The following PCNX3 variants were observed in gnomAD, a reference collection of about 807,000 sequenced individuals.
The protein encoded by PCNX3 is pecanex 3.
A neutral mutation model predicts 207.2 loss-of-function variants in PCNX3; 58 were observed. The observed-to-expected ratio is 0.28, with a 90% CI of 0.23 to 0.35. The LOEUF is 0.35. Among genes scored for constraint, PCNX3 ranks in the 10% least tolerant of loss-of-function variants. The pLI is 1.00. For missense variants in PCNX3, 2,410 were observed against 2,774.4 expected (o/e 0.87, Z 2.95); for synonymous variants, 1,337 against 1,183.5 (o/e 1.13, Z -2.66).
chr11:65,636,609 C>T lies in PCNX3; in HGVS notation c.5812C>T (p.Leu1938=). 6.3e-7 allele frequency: 1 copy of T among 1,586,644 alleles called. No individual in the cohort carries two copies. Residue 1938 remains leucine, a synonymous_variant, in exon 34 of 35, where the codon CTG becomes TTG. Transcript: ENST00000355703. ...SSEGPSGKWS[L]GGRKGLGGSD... is the part of the protein sequence containing the mutation. ...TGAGGGCCCCAGTGGAAAGTGGAGCCTGGGGGGCCGGAAGGGGCTGGGAGG... is the reference window on the plus strand; with the variant it reads ...TGAGGGCCCCAGTGGAAAGTGGAGCTTGGGGGGCCGGAAGGGGCTGGGAGG...
Position 65,630,370 on chromosome 11 carries a change from CG to C in PCNX3, c.4237del (p.Glu1413ArgfsTer42). On this transcript the variant is annotated frameshift_variant, in exon 27 of 35. Coordinates refer to ENST00000355703, the MANE Select transcript of PCNX3 (RefSeq NM_032223.4). LOFTEE classifies it high-confidence loss of function. ...EFRGTYCQQREVEAITEGVEE... is the reference protein window; with the variant it reads ...EFRGTYCQQRXVEAITEGVEE... ...CCACAGGCACTTACTGCCAGCAGCG[CG>C]AGGTGGAGGCTATCACCGAGGGTGT... The C allele has an allele frequency of 6.2e-7, 1 of 1,613,234 alleles. No homozygotes were observed.
chr11:65,620,936 G>A lies in PCNX3; in HGVS notation c.2205G>A (p.Gln735=), dbSNP rs1484768166. Residue 735 remains glutamine (Q), a synonymous_variant, in exon 10 of 35, where the codon CAG becomes CAA. Coordinates refer to ENST00000355703, the MANE Select transcript of PCNX3 (RefSeq NM_032223.4). Reference sequence around the variant, plus strand: ...GGCCTGTGGTTCTGCAGGGCATGCAGGTGCGCCGGGTGCCCCTGGAGATCC... The same window carrying A: ...GGCCTGTGGTTCTGCAGGGCATGCAAGTGCGCCGGGTGCCCCTGGAGATCC... ...QPRPVVLQGM[Q]VRRVPLEIPE... 1 of 1,551,744 alleles carries A rather than the reference G, an allele frequency of 6.4e-7. No individual in the cohort carries two copies. Among genetic ancestry groups the A allele is most frequent in the East Asian group, 2.4e-5 (1 of 41,150 alleles).
At chr11:65,626,699 A>G in intron 20 of PCNX3, 1 of 651,320 alleles carries the variant, frequency 1.5e-6, no homozygotes, top group Admixed American at 3.0e-5. Context: ...CACCTGCCAT[A>G]AAGCAAGCCT....
chr11:65,622,409 C>T (rs1440650736), intron 11 of PCNX3, 43 bp downstream of exon 11: 1 of 1,564,814 alleles, frequency 6.4e-7, no homozygotes, highest in East Asian at 2.3e-5. Context: ...TGGAAAGCCC[C>T]TGGACCTTGG....
intron 6 of PCNX3, 45 bp downstream of exon 6, chr11:65,619,112 G>A (rs747034170): frequency 4.0e-6 from 6 of 1,495,416 alleles, no homozygotes; most frequent in East Asian, 2.3e-5. Context: ...CGTGAGCTAC[G>A]GGCTTGGGGT....
chr11:65,625,880 G>T lies in PCNX3; in HGVS notation c.3229-24G>T. 6.2e-7 allele frequency: 1 copy of T among 1,608,572 alleles called. No homozygotes were observed. Among genetic ancestry groups the T allele is most frequent in the Non-Finnish European group, 8.5e-7 (1 of 1,176,816 alleles). On this transcript the variant is annotated intron_variant, in intron 19 of 34. Transcript: ENST00000355703. This position sits in a 1 kb window ranked among gnomAD's most constrained non-coding sequence, Gnocchi z 5.6. ...CCCTTGGCCTGCTCCCATCAGCTGA[G>T]TCTCTGGCCTCTCCCTCCTGCAGTC...
rs1414240783 is a variant in PCNX3, at chr11:65,624,364, C to G, written c.2714C>G (p.Thr905Ser). The change falls in exon 14 of 35, where the codon ACT (threonine) becomes AGT (serine). Residue 905 changes from threonine (T) to serine (S), a missense_variant and splice_region_variant. Thr to Ser is a moderately conservative substitution (Grantham distance 58). Around this residue, in one of 8 missense-constraint regions of PCNX3, gnomAD observed 177 missense variants for 257.5 expected, o/e 0.69. Transcript: ENST00000355703. The stretch of plus-strand genomic sequence containing the variant: ...TTCTTCTGTGCCCGAGACGTGGCCA[C>G]TGGTGAGGCTGGGGCAGGGATGAGG... ...SFFFCARDVA[T>S]VFTLCFPFVF... 1.3e-6 allele frequency: 2 copies of G among 1,553,374 alleles called. No individual in the cohort carries two copies. The highest frequency in any genetic ancestry group is 1.4e-5 in the African/African-American group (1 of 73,146).
chr11:65,619,261 C>A, intron 6 of PCNX3, 194 bp downstream of exon 6: 2 of 344,166 alleles, frequency 5.8e-6, no homozygotes, highest in Non-Finnish European at 8.2e-6. Context: ...CCTGGCTCCA[C>A]ATCCTTGATT....
Position 65,618,808 on chromosome 11 carries a change from C to T in PCNX3, c.1446C>T (p.Pro482=). The T allele has an allele frequency of 1.2e-6, 2 of 1,611,552 alleles. No individual in the cohort carries two copies. The highest frequency in any genetic ancestry group is 2.2e-5 in the East Asian group (1 of 44,828). ...HGAEEGTAVP[P]KRPYGTQRTP... is the part of the protein sequence containing the mutation. ...CTGAGGAGGGAACTGCTGTGCCCCCCAAGCGGCCATATGGGACCCAGCGGA... is the reference window on the plus strand; with the variant it reads ...CTGAGGAGGGAACTGCTGTGCCCCCTAAGCGGCCATATGGGACCCAGCGGA... Residue 482 remains proline, a synonymous_variant, in exon 6 of 35, where the codon CCC becomes CCT. Coordinates refer to ENST00000355703, the MANE Select transcript of PCNX3 (RefSeq NM_032223.4).
At chr11:65,630,202 G>T (rs559539701) in intron 26 of PCNX3, 149 bp from the exon 27 acceptor site, 3 of 1,214,372 alleles carry the variant, frequency 2.5e-6, no homozygotes, top group Non-Finnish European at 3.4e-6. Flanking sequence ...GCGCTCTTTC[G>T]TGAATCTTGG....
At position 65,630,474 on chromosome 11, in the gene PCNX3, A is replaced by T. The variant is rs994391858; in HGVS notation, c.4340A>T (p.Gln1447Leu). ...CTGTCCTTCAATGCTGCCTTTGGGC[A>T]GCGCTGGCTGGCTTGGGAGGTAACA... is the stretch of plus-strand genomic sequence containing the variant. ...RVLSFNAAFGQRWLAWEVTAS... is the reference protein window; with the variant it reads ...RVLSFNAAFGLRWLAWEVTAS... The change falls in exon 27 of 35, where the codon CAG becomes CTG. Residue 1447 changes from glutamine to leucine, a missense_variant. Coordinates refer to ENST00000355703, the MANE Select transcript of PCNX3 (RefSeq NM_032223.4). 1 of 1,613,672 alleles carries T rather than the reference A, an allele frequency of 6.2e-7. No individual in the cohort carries two copies. The highest frequency in any genetic ancestry group is 8.5e-7 in the Non-Finnish European group (1 of 1,179,880).
At chr11:65,616,803 C>T (rs370139084) in intron 1 of PCNX3, 21 bp from the exon 2 acceptor site, 57 of 1,600,724 alleles carry the variant, frequency 3.6e-5, no homozygotes, top group African/African-American at 1.7e-4. Flanking sequence ...GAAAAGGGAC[C>T]TGGCTTACTT....
In PCNX3 at chr11:65,619,551, G is replaced by T; in HGVS notation, c.1720G>T (p.Gly574Cys). The T allele has an allele frequency of 6.2e-7, 1 of 1,611,058 alleles. No individual in the cohort carries two copies. The change falls in exon 7 of 35, where the codon GGC (glycine) becomes TGC (cysteine). Residue 574 changes from glycine to cysteine, a missense_variant. Around this residue, in one of 8 missense-constraint regions of PCNX3, gnomAD observed 1,104 missense variants for 970.3 expected, o/e 1.14. Coordinates refer to ENST00000355703, the MANE Select transcript of PCNX3 (RefSeq NM_032223.4). ...TCTCTGGGCAGCGGCCGAGGAGACT[G>T]GCAGGCGGGACCGCTCAAGCAGTGT... ...GAVGGAAEET[G>C]RRDRSSSVRR... is the part of the protein sequence containing the mutation.
At position 65,622,164 on chromosome 11, in the gene PCNX3, G is replaced by A. The variant is rs571255222; in HGVS notation, c.2236-81G>A. Reference sequence around the variant, plus strand: ...GAAGGGGGGTAACAGTAGACCATGTGGGGGGTGGCGGGGCTGACGGCCGCG... The same window carrying A: ...GAAGGGGGGTAACAGTAGACCATGTAGGGGGTGGCGGGGCTGACGGCCGCG... On this transcript the variant is annotated intron_variant, in intron 10 of 34. Transcript: ENST00000355703. 8 of 1,507,640 alleles carry A rather than the reference G, an allele frequency of 5.3e-6. 1 individual carries two copies. Among genetic ancestry groups the A allele is most frequent in the South Asian group, 2.6e-5 (2 of 78,206 alleles). The allele number at this position is 1,507,640 out of a possible 1,614,324, so 93.4% of individuals were successfully genotyped here. A position where few individuals can be genotyped will look rare whatever the true frequency, so the allele number is the denominator to read the frequency against.
Position 65,617,002 on chromosome 11 carries a change from A to G in PCNX3, c.332A>G (p.Asn111Ser), listed in dbSNP as rs200596304. 44 of 1,609,390 alleles carry G rather than the reference A, an allele frequency of 2.7e-5. No homozygotes were observed. The African/African-American group carries it at 4.0e-4, about 15-fold the overall frequency. ...GAAGAGCCTGCCCAGGGGGACAGCAATCCACCCAGGTGGGTGGGGTAGGGG... is the reference window on the plus strand; with the variant it reads ...GAAGAGCCTGCCCAGGGGGACAGCAGTCCACCCAGGTGGGTGGGGTAGGGG... ...LEEEPAQGDS[N>S]PPRDPGVEMT... is the part of the protein sequence containing the mutation. Residue 111 changes from asparagine (N) to serine (S), a missense_variant, in exon 2 of 35, where the codon AAT becomes AGT. This residue lies in a region of PCNX3 where 1,104 missense variants were observed against 970.3 expected (regional missense o/e 1.14). Transcript: ENST00000355703.
intron 11 of PCNX3, among the ~76,000 whole-genome samples, chr11:65,622,587 A>G (rs1314689520): frequency 2.0e-5 from 3 of 151,974 alleles, no homozygotes; most frequent in Non-Finnish European, 4.4e-5. Flanking sequence ...TGTTTATTCC[A>G]AAGTCCTGCT....
At chr11:65,624,080 CT>C in intron 13 of PCNX3, 114 bp from the exon 14 acceptor site, 1 of 1,569,152 alleles carries the variant, frequency 6.4e-7, no homozygotes, top group Admixed American at 1.7e-5. Flanking sequence ...TCACCCCCAC[CT>C]GGCCAGGCTC....
chr11:65,625,524 G>A lies in PCNX3; in HGVS notation c.3135+14G>A. The stretch of plus-strand genomic sequence containing the variant: ...CGCCAGTCGGTGGTGAGGGGGCGGG[G>A]GGTGGGGGTCTGTGGGGAGGTGGTG... On this transcript the variant is annotated intron_variant, in intron 18 of 34. Transcript: ENST00000355703. This position sits in a 1 kb window ranked among gnomAD's most constrained non-coding sequence, Gnocchi z 5.6. The A allele has an allele frequency of 1.9e-6, 3 of 1,594,566 alleles. No individual in the cohort carries two copies. Among genetic ancestry groups the A allele is most frequent in the Non-Finnish European group, 2.6e-6 (3 of 1,173,768 alleles).
chr11:65,635,690 C>T lies in PCNX3; in HGVS notation c.5346C>T (p.Tyr1782=), dbSNP rs367770366. The part of the protein sequence containing the change: ...SCDQPLGYPI[Y]VSPLTTSLAG... ...ACCAGCCGCTGGGCTACCCCATCTA[C>T]GTGTCGCCTCTCACCACCTCGCTGG... Residue 1782 remains tyrosine, a synonymous_variant, in exon 32 of 35, where the codon TAC becomes TAT. Coordinates refer to ENST00000355703, the MANE Select transcript of PCNX3 (RefSeq NM_032223.4). The surrounding 1 kb of genome is among the most constrained non-coding windows in gnomAD (Gnocchi z 9.9). 5.4e-5 allele frequency: 87 copies of T among 1,611,496 alleles called. No individual in the cohort carries two copies. In the African/African-American group the frequency reaches 9.5e-4, roughly 18 times the overall value.
Sources: gnomAD v4.1 joint callset for allele counts (sites outside exome capture counted in the v4.1 genomes callset) on GRCh38, gnomAD v4.1.1 for gene constraint, gnomAD v4.1.1 regional missense constraint, Gnocchi (gnomAD v3.1) non-coding constraint, MANE v1.5 for transcripts, NCBI Gene and HGNC (gene_info 2026-07-23, HGNC 2026-07-21) for gene names.